TRANK1: variants seen among roughly 807,000 people sequenced by gnomAD.
TRANK1 encodes the protein tetratricopeptide repeat and ankyrin repeat containing 1.
In TRANK1, 198 loss-of-function variants were observed where a neutral mutation model predicts 266.0. The ratio of observed to expected loss-of-function variants is 0.74; its 90% confidence interval spans 0.66 to 0.84. The LOEUF is 0.84. Among genes scored for constraint, TRANK1 ranks in the 40% least tolerant of loss-of-function variants. The pLI is 0.00. For synonymous variants in TRANK1, 1,396 were observed against 1,384.1 expected, an observed-to-expected ratio of 1.01 and a Z score of -0.19; for missense variants, 3,326 against 3,634.6, an observed-to-expected ratio of 0.92 and a Z score of 2.18.
chr3:36,832,448 T>C lies in TRANK1; in HGVS notation c.7135A>G (p.Arg2379Gly). Residue 2379 changes from arginine (R) to glycine (G), a missense_variant, in exon 22 of 24, where the codon AGG becomes GGG. Transcript: ENST00000645898. The part of the protein sequence containing the change: ...KDERGRGRGS[R>G]IKGIEGKFGM... ...AATTTCCCTTCTATTCCTTTTATCC[T>C]GCTGCCTCTCCCCCTGCCCCTTTCA... 1 of 1,613,930 alleles carries C rather than the reference T, an allele frequency of 6.2e-7. No individual in the cohort carries two copies.
intron 1 of TRANK1, among the ~76,000 whole-genome samples, chr3:36,908,750 T>C (rs574755739): frequency 6.6e-6 from 1 of 152,180 alleles, no homozygotes; most frequent in Non-Finnish European, 1.5e-5. Context: ...ACCTGGCAGG[T>C]AGTGAGTGCT....
intron 1 of TRANK1, among the ~76,000 whole-genome samples, chr3:36,911,056 G>T (rs936597102): frequency 6.6e-6 from 1 of 151,854 alleles, no homozygotes; most frequent in East Asian, 1.9e-4. Flanking sequence ...GGTGACAAGC[G>T]CTAACTCCAT....
intron 1 of TRANK1, among the ~76,000 whole-genome samples, chr3:36,909,089 C>T (rs563323735): frequency 6.6e-6 from 1 of 152,272 alleles, no homozygotes; most frequent in African/African-American, 2.4e-5. Flanking sequence ...CTCCTGTCCC[C>T]CTCCTTTCTT....
At chr3:36,871,428 C>T (rs1335726225) in intron 9 of TRANK1, among the ~76,000 whole-genome samples, 1 of 152,132 alleles carries the variant, frequency 6.6e-6, no homozygotes, top group Non-Finnish European at 1.5e-5. Flanking sequence ...CATTCTCTAC[C>T]ACTAACCAGT....
At chr3:36,928,414 C>T (rs1327406204) in intron 1 of TRANK1, among the ~76,000 whole-genome samples, 1 of 152,164 alleles carries the variant, frequency 6.6e-6, no homozygotes, top group Non-Finnish European at 1.5e-5. Flanking sequence ...ACTTCACTCA[C>T]CACACACTGA....
intron 10 of TRANK1, 141 bp downstream of exon 10, chr3:36,864,178 A>T: frequency 1.0e-6 from 1 of 955,000 alleles, no homozygotes; most frequent in Non-Finnish European, 1.4e-6. Flanking sequence ...TACACCAAAG[A>T]ATGCTCTGTG....
chr3:36,936,947 CA>C (rs146393621), intron 1 of TRANK1, among the ~76,000 whole-genome samples: 17,295 of 152,016 alleles, frequency 0.11, 1,318 homozygotes, highest in East Asian at 0.35. Context: ...ACTAAAAATA[CA>C]AAAATTAGCC....
chr3:36,850,744 G>A (rs924454496), intron 15 of TRANK1: 9 of 984,856 alleles, frequency 9.1e-6, no homozygotes, highest in Non-Finnish European at 4.8e-6. Context: ...TGTAATAGTT[G>A]TGCTATTAAG....
chr3:36,941,124 T>C (rs1051746093), intron 1 of TRANK1, among the ~76,000 whole-genome samples: 2 of 152,196 alleles, frequency 1.3e-5, no homozygotes, highest in Non-Finnish European at 2.9e-5. Context: ...TCACCCAATA[T>C]AGTGCTATAA....
intron 1 of TRANK1, among the ~76,000 whole-genome samples, chr3:36,932,040 A>G (rs941325406): frequency 6.6e-6 from 1 of 152,216 alleles, no homozygotes; most frequent in African/African-American, 2.4e-5. Flanking sequence ...AGATTCTTGA[A>G]TTACATAAAT....
chr3:36,854,659 T>C (rs947699453), intron 13 of TRANK1, among the ~76,000 whole-genome samples: 1 of 152,174 alleles, frequency 6.6e-6, no homozygotes, highest in Non-Finnish European at 1.5e-5. Context: ...GATTAAGCAC[T>C]ATACGTAAAC....
intron 1 of TRANK1, among the ~76,000 whole-genome samples, chr3:36,941,849 A>G (rs2080500643): frequency 6.6e-6 from 1 of 152,184 alleles, no homozygotes; most frequent in Non-Finnish European, 1.5e-5. Flanking sequence ...CACTCCAAGG[A>G]AATTTGTTTT....
intron 8 of TRANK1, 63 bp downstream of exon 8, chr3:36,889,766 T>G: frequency 6.8e-7 from 1 of 1,475,872 alleles, no homozygotes; most frequent in African/African-American, 1.4e-5. Context: ...GTCGGTGGTG[T>G]GGGTCCTCAA....
intron 1 of TRANK1, among the ~76,000 whole-genome samples, chr3:36,911,330 C>T (rs1483337997): frequency 6.6e-6 from 1 of 152,046 alleles, no homozygotes; most frequent in Non-Finnish European, 1.5e-5. Context: ...AATTTTCTTC[C>T]TTGATTTTCT....
At chr3:36,921,283 C>T (rs7628483) in intron 1 of TRANK1, among the ~76,000 whole-genome samples, 59,636 of 152,056 alleles carry the variant, frequency 0.39, 12,368 homozygotes, top group Non-Finnish European at 0.47. Context: ...GGGCTACCTG[C>T]GACAGGAATA....
chr3:36,860,794 G>A, intron 11 of TRANK1, 112 bp downstream of exon 11: 2 of 1,427,552 alleles, frequency 1.4e-6, no homozygotes, highest in Non-Finnish European at 1.9e-6. Flanking sequence ...TAGGCAATGA[G>A]GGTGAACTTC....
At chr3:36,899,417 G>T (rs1327419860) in intron 3 of TRANK1, among the ~76,000 whole-genome samples, 158 bp from the exon 4 acceptor site, 6 of 152,178 alleles carry the variant, frequency 3.9e-5, no homozygotes, top group Non-Finnish European at 7.3e-5. Context: ...CATTCCGAGA[G>T]ATCAAGGCAG....
chr3:36,845,093 A>G (rs2078898074), intron 17 of TRANK1, among the ~76,000 whole-genome samples: 1 of 152,206 alleles, frequency 6.6e-6, no homozygotes, highest in South Asian at 2.1e-4. Context: ...AGAGGTAAGA[A>G]GGTGAAAAGT....
At chr3:36,838,175 A>G (rs895153929) in intron 20 of TRANK1, among the ~76,000 whole-genome samples, 197 bp downstream of exon 20, 1 of 152,204 alleles carries the variant, frequency 6.6e-6, no homozygotes, top group Non-Finnish European at 1.5e-5. Flanking sequence ...ACACACGCAC[A>G]TGCATACTGT....
Sources: allele counts gnomAD v4.1 joint callset (sites outside exome capture counted in the v4.1 genomes callset), GRCh38; gene constraint gnomAD v4.1.1; transcripts MANE v1.5; gene names NCBI Gene and HGNC (gene_info 2026-07-23, HGNC 2026-07-21).